Variants in BMP6 observed in about 807,000 individuals in gnomAD.
BMP6 encodes VG-1-R.
In BMP6, 17 loss-of-function variants were observed where a neutral mutation model predicts 54.1. The observed-to-expected ratio is 0.31, with a 90% confidence interval of 0.22 to 0.47. BMP6 has a LOEUF of 0.47. BMP6 is among the 20% of genes least tolerant of loss of function. The pLI is 1.00. For synonymous variants in BMP6, 328 were observed against 291.2 expected, an observed-to-expected ratio of 1.13 and a Z score of -1.28; for missense variants, 720 against 690.4, an observed-to-expected ratio of 1.04 and a Z score of -0.48.
At chr6:7,870,553 A>C (rs983819443) in intron 4 of BMP6, among the ~76,000 whole-genome samples, 1 of 152,180 alleles carries the variant, frequency 6.6e-6, no homozygotes, top group African/African-American at 2.4e-5. Context: ...TTTCCACTAC[A>C]GATCATGGAG....
intron 1 of BMP6, among the ~76,000 whole-genome samples, chr6:7,794,973 A>G (rs894732552): frequency 6.6e-6 from 1 of 152,210 alleles, no homozygotes; most frequent in Non-Finnish European, 1.5e-5. Context: ...CCAAGACCTC[A>G]GGATTCCAGT....
At chr6:7,808,388 A>T (rs1215626603) in intron 1 of BMP6, among the ~76,000 whole-genome samples, 1 of 152,220 alleles carries the variant, frequency 6.6e-6, no homozygotes, top group Admixed American at 6.5e-5. Flanking sequence ...CATTTACCAG[A>T]AACTGCTCAG....
intron 4 of BMP6, among the ~76,000 whole-genome samples, chr6:7,863,489 C>T (rs1359446656): frequency 3.3e-5 from 5 of 152,186 alleles, no homozygotes. Flanking sequence ...TCAGACAGAG[C>T]CCTTCTTCAG....
rs533126572 is a variant in BMP6, at chr6:7,857,976, G to C, written c.858-3475G>C. 4.4e-3 allele frequency among the ~76,000 whole-genome samples: 674 copies of C among 152,252 alleles called. 5 individuals are homozygous for C. The highest frequency in any genetic ancestry group is 0.015 in the African/African-American group (618 of 41,536). ...AGAGCAAGATTGGGAGGGTCACTGG[G>C]GCTCCACCACTATGCCACCATCTAC... On this transcript the variant is annotated intron_variant, in intron 2 of 6. Coordinates refer to ENST00000283147, the MANE Select transcript of BMP6 (RefSeq NM_001718.6).
At chr6:7,751,407 G>T (rs1757423484) in intron 1 of BMP6, among the ~76,000 whole-genome samples, 2 of 152,152 alleles carry the variant, frequency 1.3e-5, no homozygotes, top group Admixed American at 1.3e-4. Context: ...GTTAAGAAAT[G>T]AATAACAAGG....
intron 1 of BMP6, among the ~76,000 whole-genome samples, chr6:7,825,016 T>C (rs957384019): frequency 3.3e-5 from 5 of 152,192 alleles, no homozygotes; most frequent in Non-Finnish European, 7.3e-5. Context: ...TGTTGTATCA[T>C]TGAAAAACGC....
chr6:7,848,592 C>G (rs1759100641), intron 2 of BMP6, among the ~76,000 whole-genome samples: 1 of 152,202 alleles, frequency 6.6e-6, no homozygotes, highest in African/African-American at 2.4e-5. Flanking sequence ...GAAATACCTC[C>G]TGTCGTACTA....
intron 1 of BMP6, among the ~76,000 whole-genome samples, chr6:7,743,333 A>G (rs1341411739): frequency 2.6e-5 from 4 of 152,180 alleles, no homozygotes; most frequent in South Asian, 2.1e-4. Flanking sequence ...GACAAGGTTA[A>G]TGTGTCTTGA....
chr6:7,780,501 A>G (rs1757926716), intron 1 of BMP6, among the ~76,000 whole-genome samples: 1 of 151,766 alleles, frequency 6.6e-6, no homozygotes, highest in Non-Finnish European at 1.5e-5. Flanking sequence ...GTGAGCCGAG[A>G]TCGCGCCATT....
At chr6:7,876,864 T>C (rs1394025042) in intron 4 of BMP6, among the ~76,000 whole-genome samples, 1 of 152,192 alleles carries the variant, frequency 6.6e-6, no homozygotes, top group African/African-American at 2.4e-5. Flanking sequence ...CTTCCTTCCA[T>C]TATTTTAGGT....
At chr6:7,760,533 C>G (rs1441291485) in intron 1 of BMP6, among the ~76,000 whole-genome samples, 1 of 152,116 alleles carries the variant, frequency 6.6e-6, no homozygotes, top group Non-Finnish European at 1.5e-5. Flanking sequence ...GTGGTGCAGT[C>G]TCAGCTCTCT....
At chr6:7,752,559 G>GTTTT (rs5874110) in intron 1 of BMP6, among the ~76,000 whole-genome samples, 2 of 122,450 alleles carry the variant, frequency 1.6e-5, no homozygotes, top group South Asian at 2.8e-4. Context: ...TTCAACATAG[G>GTTTT]TTTTTTTTTT....
At chr6:7,862,694 T>C (rs1277894495) in intron 4 of BMP6, among the ~76,000 whole-genome samples, 196 bp downstream of exon 4, 1 of 152,212 alleles carries the variant, frequency 6.6e-6, no homozygotes, top group Non-Finnish European at 1.5e-5. Flanking sequence ...CCTGGAACAC[T>C]TGTTACCTGA....
chr6:7,738,995 T>C (rs867562781), intron 1 of BMP6, among the ~76,000 whole-genome samples: 4 of 152,330 alleles, frequency 2.6e-5, no homozygotes, highest in Middle Eastern at 6.8e-3. Flanking sequence ...CATGGCTTGT[T>C]TTCTTGGATC....
At chr6:7,760,582 C>T (rs1386029618) in intron 1 of BMP6, among the ~76,000 whole-genome samples, 1 of 152,146 alleles carries the variant, frequency 6.6e-6, no homozygotes, top group East Asian at 1.9e-4. Context: ...TTCTCCCTGC[C>T]TCAGCCTCCC....
chr6:7,813,107 AAATATATATATATATATATATAT>A (rs1463337064), intron 1 of BMP6, among the ~76,000 whole-genome samples: 3 of 48,408 alleles, frequency 6.2e-5, no homozygotes, highest in African/African-American at 9.4e-5. Context: ...AAAAAAAAAA[AAATATATATATATATATATATAT>A]ATATATATAT....
Position 7,727,560 on chromosome 6 carries a change from G to T in BMP6, c.605G>T (p.Ser202Ile). Residue 202 changes from serine to isoleucine, a missense_variant, in exon 1 of 7, where the codon AGC becomes ATC. By Grantham distance (142) the Ser-to-Ile change is moderately radical. This residue lies in a region of BMP6 where 650 missense variants were observed against 556.3 expected (regional missense o/e 1.17). Transcript: ENST00000283147. ...SGSGGASPLTSAQDSAFLNDA... is the reference protein window; with the variant it reads ...SGSGGASPLTIAQDSAFLNDA... ...AGCGGCGGCGCGTCCCCACTGACCA[G>T]CGCGCAGGACAGCGCCTTCCTCAAC... 6.3e-7 allele frequency: 1 copy of T among 1,593,186 alleles called. No homozygotes were observed. Among genetic ancestry groups the T allele is most frequent in the Non-Finnish European group, 8.5e-7 (1 of 1,177,172 alleles).
intron 1 of BMP6, 148 bp downstream of exon 1, chr6:7,727,767 C>A (rs1761769558): frequency 9.8e-7 from 1 of 1,018,548 alleles, no homozygotes; most frequent in African/African-American, 1.7e-5. Context: ...AGGCTGTGCT[C>A]CCGCCACCTG....
Position 7,727,567 on chromosome 6 carries a change from G to A in BMP6, c.612G>A (p.Gln204=), listed in dbSNP as rs183103360. 1.8e-4 allele frequency: 280 copies of A among 1,587,576 alleles called. 1 individual carries two copies. The highest frequency in any genetic ancestry group is 8.8e-4 in the Admixed American group (51 of 57,716). The change falls in exon 1 of 7, where the codon CAG becomes CAA. Residue 204 remains glutamine (Q), a synonymous_variant. Coordinates refer to ENST00000283147, the MANE Select transcript of BMP6 (RefSeq NM_001718.6). ...SGGASPLTSA[Q]DSAFLNDADM... is the part of the protein sequence containing the mutation. The stretch of plus-strand genomic sequence containing the variant: ...GCGCGTCCCCACTGACCAGCGCGCA[G>A]GACAGCGCCTTCCTCAACGACGCGG...
Sources: gnomAD v4.1 joint callset for allele counts (sites outside exome capture counted in the v4.1 genomes callset) on GRCh38, gnomAD v4.1.1 for gene constraint, gnomAD v4.1.1 regional missense constraint, MANE v1.5 for transcripts, NCBI Gene and HGNC (gene_info 2026-07-23, HGNC 2026-07-21) for gene names.